The following RDX variants were observed in gnomAD, a reference collection of about 807,000 sequenced individuals.
RDX encodes deafness, autosomal recessive 24.
RDX carries 32 observed loss-of-function variants against 83.7 expected under a neutral mutation model. The observed-to-expected ratio is 0.38, with a 90% CI of 0.29 to 0.51. The LOEUF is 0.51. Ranked by LOEUF, RDX falls within the 20% of genes least tolerant of loss-of-function variation. The probability of loss-of-function intolerance (pLI) is 0.87; values close to 1 mark genes in which losing one functional copy is unlikely to be tolerated. For synonymous variants in RDX, 229 were observed against 222.7 expected (o/e 1.03, Z -0.25); for missense variants, 600 against 689.9 (o/e 0.87, Z 1.46).
chr11:110,243,136 C>T (rs1865165843), intron 10 of RDX, among the ~76,000 whole-genome samples: 1 of 152,170 alleles, frequency 6.6e-6, no homozygotes, highest in South Asian at 2.1e-4. Flanking sequence ...AAGGGGAATG[C>T]TTACTGACAG....
intron 10 of RDX, among the ~76,000 whole-genome samples, chr11:110,243,171 T>C (rs1409461660): frequency 2.0e-5 from 3 of 152,126 alleles, no homozygotes; most frequent in Non-Finnish European, 2.9e-5. Flanking sequence ...GAATTTTGAA[T>C]GAGGGATGCT....
At chr11:110,248,725 C>G (rs1486464758) in intron 9 of RDX, among the ~76,000 whole-genome samples, 1 of 152,036 alleles carries the variant, frequency 6.6e-6, no homozygotes, top group African/African-American at 2.4e-5. Context: ...TTTAGATTAA[C>G]CGGAGACCTC....
intron 14 of RDX, among the ~76,000 whole-genome samples, chr11:110,218,359 A>G (rs1256861392): frequency 6.6e-6 from 1 of 152,208 alleles, no homozygotes; most frequent in South Asian, 2.1e-4. Flanking sequence ...ACATCGTAAT[A>G]GATTTTTTTC....
chr11:110,254,859 C>A (rs1324226995), intron 8 of RDX, among the ~76,000 whole-genome samples: 1 of 152,086 alleles, frequency 6.6e-6, no homozygotes, highest in African/African-American at 2.4e-5. Flanking sequence ...CTTTAAAAAT[C>A]TATTTAAATA....
intron 15 of RDX, among the ~76,000 whole-genome samples, chr11:110,175,938 T>C (rs950532316): frequency 5.3e-5 from 8 of 152,132 alleles, no homozygotes; most frequent in African/African-American, 7.2e-5. Flanking sequence ...AAGATGCCTG[T>C]TCTAGTCCAA....
At chr11:110,183,465 CTACAGG>C (rs1262641602) in intron 15 of RDX, among the ~76,000 whole-genome samples, 1 of 152,184 alleles carries the variant, frequency 6.6e-6, no homozygotes, top group Non-Finnish European at 1.5e-5. Context: ...ATAGCTGGGA[CTACAGG>C]TACACGCTAA....
intron 1 of RDX, among the ~76,000 whole-genome samples, chr11:110,286,270 C>G (rs1254245255): frequency 6.6e-6 from 1 of 152,204 alleles, no homozygotes. Flanking sequence ...CCCAGCAAGT[C>G]GTCTGGAGAG....
chr11:110,233,224 A>G lies in RDX; in HGVS notation c.1587+13T>C, dbSNP rs763569663. 5.0e-6 allele frequency: 8 copies of G among 1,612,384 alleles called. No individual in the cohort carries two copies. The South Asian group carries it at 8.8e-5, about 18-fold the overall frequency. On this transcript the variant is annotated intron_variant, in intron 13 of 13. Coordinates refer to ENST00000645495, the MANE Select transcript of RDX (RefSeq NM_002906.4). ...ATATTTCAAATGCACATACAACTGC[A>G]AATTTTAAATACCTGAAGTTGCTTC...
chr11:110,282,289 C>T (rs1860795432), intron 1 of RDX, among the ~76,000 whole-genome samples: 1 of 152,140 alleles, frequency 6.6e-6, no homozygotes, highest in South Asian at 2.1e-4. Context: ...AATACAATCA[C>T]TAAAGGTTTT....
chr11:110,254,292 TCA>T (rs757628275), intron 8 of RDX, among the ~76,000 whole-genome samples, 183 bp from the exon 9 acceptor site: 10 of 152,318 alleles, frequency 6.6e-5, no homozygotes, highest in Non-Finnish European at 1.2e-4. Flanking sequence ...AACTGGTTCC[TCA>T]CCTTTTCATA....
intron 11 of RDX, among the ~76,000 whole-genome samples, chr11:110,236,877 C>G (rs1864874358): frequency 1.3e-5 from 2 of 152,106 alleles, no homozygotes; most frequent in Non-Finnish European, 2.9e-5. Flanking sequence ...GCCTCGGCCT[C>G]CCAAAATGCT....
intron 14 of RDX, among the ~76,000 whole-genome samples, chr11:110,206,051 T>C (rs1299756860): frequency 1.3e-5 from 2 of 150,896 alleles, no homozygotes; most frequent in Non-Finnish European, 3.0e-5. Flanking sequence ...ATGTCAGGAG[T>C]TCAAAACCAG....
intron 15 of RDX, among the ~76,000 whole-genome samples, chr11:110,178,205 C>T (rs1862814795): frequency 6.6e-6 from 1 of 152,210 alleles, no homozygotes; most frequent in African/African-American, 2.4e-5. Context: ...ATGTCACCCT[C>T]CACCTGCAGC....
chr11:110,291,298 C>T (rs1321451286), intron 1 of RDX, among the ~76,000 whole-genome samples: 2 of 151,944 alleles, frequency 1.3e-5, no homozygotes, highest in Non-Finnish European at 2.9e-5. Context: ...GATCATGCCA[C>T]TGTACTCCAG....
Position 110,189,243 on chromosome 11 carries a change from T to TAAAAAAAAAAAAAAAAAAAAAAAA in RDX, c.*31+10314_*31+10337dup, listed in dbSNP as rs35450797. ...AAACAAACTTTAAATGAACAACAGG[T>TAAAAAAAAAAAAAAAAAAAAAAAA]AAAAAAAAAAAAAAAAAAAAAAAAA... On this transcript the variant is annotated intron_variant, in intron 15 of 15. Transcript: ENST00000528498. Among the ~76,000 whole-genome samples the TAAAAAAAAAAAAAAAAAAAAAAAA allele has an allele frequency of 1.1e-3, 38 of 35,594 alleles. 5 individuals are homozygous for TAAAAAAAAAAAAAAAAAAAAAAAA. The highest frequency in any genetic ancestry group is 1.6e-3 in the African/African-American group (20 of 12,778). 23.4% of individuals were successfully genotyped at this position (35,594 alleles called of 152,430 possible).
At chr11:110,228,994 G>T (rs552415323), downstream of RDX, among the ~76,000 whole-genome samples, 1 of 151,778 alleles carries the variant, frequency 6.6e-6, no homozygotes, top group East Asian at 1.9e-4. Flanking sequence ...TTAGTAAGAA[G>T]ACTTGAAAAA....
intron 10 of RDX, among the ~76,000 whole-genome samples, chr11:110,242,656 GATATATTAAGA>G (rs1298310055): frequency 6.6e-6 from 1 of 152,070 alleles, no homozygotes. Flanking sequence ...GCTATTTTGT[GATATATTAAGA>G]ATTGTATAAA....
intron 1 of RDX, 133 bp from the exon 2 acceptor site, chr11:110,279,889 A>T (rs1860684024): frequency 1.9e-6 from 1 of 519,508 alleles, no homozygotes; most frequent in African/African-American, 1.9e-5. Context: ...TTTCATTCTC[A>T]TTTTCAATAT....
At chr11:110,265,153 G>A (rs1271802131) in intron 3 of RDX, among the ~76,000 whole-genome samples, 1 of 145,400 alleles carries the variant, frequency 6.9e-6, no homozygotes, top group Non-Finnish European at 1.5e-5. Flanking sequence ...GGGTGCAATG[G>A]CACAATCTTG....
Sources: gnomAD v4.1 joint callset for allele counts (sites outside exome capture counted in the v4.1 genomes callset) on GRCh38, gnomAD v4.1.1 for gene constraint, MANE v1.5 for transcripts, NCBI Gene and HGNC (gene_info 2026-07-23, HGNC 2026-07-21) for gene names.